PYY: variants seen among roughly 807,000 people sequenced by gnomAD.
PYY encodes the protein peptide tyrosine tyrosine.
A neutral mutation model predicts 10.3 loss-of-function variants in PYY; 12 were observed. The ratio of observed to expected loss-of-function variants is 1.17; its 90% CI spans 0.75 to 1.89. The LOEUF (loss-of-function observed/expected upper bound fraction) is 1.89, where lower values mean the gene tolerates loss of function less well. Ranked by LOEUF, PYY falls within the 40% of genes most tolerant of loss-of-function variation. The probability of loss-of-function intolerance (pLI) is 0.00; values close to 1 mark genes in which losing one functional copy is unlikely to be tolerated. For synonymous variants in PYY, 66 were observed against 62.0 expected, an observed-to-expected ratio of 1.06 and a Z score of -0.30; for missense variants, 141 against 134.0, an observed-to-expected ratio of 1.05 and a Z score of -0.26.
intron 2 of PYY, among the ~76,000 whole-genome samples, chr17:43,961,689 C>A (rs12949036): frequency 6.6e-6 from 1 of 152,002 alleles, no homozygotes; most frequent in Non-Finnish European, 1.5e-5. Flanking sequence ...TACAGGAGTG[C>A]GCCACCACAC....
chr17:43,954,262 C>A (rs2048657756), upstream of PYY, among the ~76,000 whole-genome samples: 1 of 152,166 alleles, frequency 6.6e-6, no homozygotes, highest in Admixed American at 6.5e-5. Flanking sequence ...GCCCCTAGGA[C>A]CAGGGTTGAG....
At chr17:43,970,241 C>T (rs1202999747) in intron 1 of PYY, among the ~76,000 whole-genome samples, 3 of 147,956 alleles carry the variant, frequency 2.0e-5, no homozygotes, top group African/African-American at 7.4e-5. Flanking sequence ...GGGAAGGTGG[C>T]TCATGCCTGT....
Position 43,952,997 on chromosome 17 carries a change from G to T in PYY, c.270-17C>A. 6.4e-7 allele frequency: 1 copy of T among 1,572,718 alleles called. No individual in the cohort carries two copies. The highest frequency in any genetic ancestry group is 8.6e-7 in the Non-Finnish European group (1 of 1,158,042). ...CCCTCCGACCTGCGGAAGCGAAGGG[G>T]AAGGAATTGGATCTGGGGAGGCGAG... On this transcript the variant is annotated splice_polypyrimidine_tract_variant and intron_variant, in intron 3 of 3. Coordinates refer to ENST00000692052, the MANE Select transcript of PYY (RefSeq NM_001394028.1).
chr17:43,967,912 G>A (rs1050691568), intron 1 of PYY, among the ~76,000 whole-genome samples: 4 of 152,124 alleles, frequency 2.6e-5, no homozygotes, highest in Admixed American at 2.0e-4. Context: ...AGAAATGCTC[G>A]TTCTGCCTCG....
At chr17:43,970,982 G>C (rs2048788847) in intron 1 of PYY, among the ~76,000 whole-genome samples, 1 of 152,118 alleles carries the variant, frequency 6.6e-6, no homozygotes, top group Non-Finnish European at 1.5e-5. Flanking sequence ...AAAGACATTA[G>C]GGCTGTTTCC....
At chr17:43,990,856 C>T (rs868523826) in intron 1 of PYY, among the ~76,000 whole-genome samples, 6 of 146,330 alleles carry the variant, frequency 4.1e-5, no homozygotes, top group South Asian at 4.5e-4. Flanking sequence ...TGCAATGACT[C>T]GATCTCGGCT....
chr17:43,953,665 A>G (rs1183892979), intron 1 of PYY, among the ~76,000 whole-genome samples, 182 bp from the exon 2 acceptor site: 1 of 151,836 alleles, frequency 6.6e-6, no homozygotes, highest in East Asian at 1.9e-4. Flanking sequence ...CAGTTTCCTC[A>G]TGTCAGAGGA....
At chr17:43,998,919 G>A (rs1047460102) in intron 1 of PYY, among the ~76,000 whole-genome samples, 3 of 152,140 alleles carry the variant, frequency 2.0e-5, no homozygotes, top group Admixed American at 1.3e-4. Context: ...GGTAGTTAGA[G>A]ACACAGATCT....
At chr17:43,969,034 G>A (rs2048772185) in intron 1 of PYY, among the ~76,000 whole-genome samples, 1 of 151,942 alleles carries the variant, frequency 6.6e-6, no homozygotes, top group Non-Finnish European at 1.5e-5. Context: ...CTTGAACCTG[G>A]GAGGCAGAGG....
chr17:43,986,088 C>T (rs1225696539), intron 1 of PYY, among the ~76,000 whole-genome samples: 3 of 152,108 alleles, frequency 2.0e-5, no homozygotes, highest in Admixed American at 6.5e-5. Context: ...GGTGAAACCC[C>T]GTCTCTACTA....
chr17:43,978,733 A>T (rs2048864777), intron 1 of PYY, among the ~76,000 whole-genome samples: 1 of 152,170 alleles, frequency 6.6e-6, no homozygotes, highest in Non-Finnish European at 1.5e-5. Context: ...ATCCATTTTT[A>T]AAATGTAATC....
At chr17:43,962,656 C>T (rs114797459) in intron 2 of PYY, among the ~76,000 whole-genome samples, 5 of 152,264 alleles carry the variant, frequency 3.3e-5, no homozygotes, top group Middle Eastern at 3.4e-3. Flanking sequence ...TCCCCAGGGG[C>T]GGGTTTAACC....
At chr17:43,975,755 C>T (rs2048825507) in intron 1 of PYY, among the ~76,000 whole-genome samples, 1 of 143,818 alleles carries the variant, frequency 7.0e-6, no homozygotes. Context: ...TACACACACA[C>T]ACACATATAT....
At chr17:44,002,504 AACAAC>A (rs2049035265) in intron 1 of PYY, among the ~76,000 whole-genome samples, 2 of 152,162 alleles carry the variant, frequency 1.3e-5, no homozygotes, top group Admixed American at 6.5e-5. Flanking sequence ...CCCCCTCTAC[AACAAC>A]AGAGGGTCTG....
At chr17:43,976,199 A>G (rs202165112) in intron 1 of PYY, among the ~76,000 whole-genome samples, 10,182 of 100,668 alleles carry the variant, frequency 0.1, 2,025 homozygotes, top group African/African-American at 0.38. Context: ...ATGTATACAT[A>G]TATACATATA....
rs566304431 is a variant in PYY, at chr17:43,980,464, TTTTTG to T, written c.-462-13937_-462-13933del. On this transcript the variant is annotated intron_variant, in intron 1 of 6. Transcript: ENST00000360085. ...CAGGAGTGAGCCACCATGCCTGGAC[TTTTTG>T]TTTTGTTTTGTTTTGTTTTTTTTGA... Among the ~76,000 whole-genome samples, 20 of 141,234 alleles carry T rather than the reference TTTTTG, an allele frequency of 1.4e-4. No individual in the cohort carries two copies. The South Asian group carries it at 3.4e-3, about 24-fold the overall frequency. 92.7% of individuals were successfully genotyped at this position (141,234 alleles called of 152,430 possible). A position where few individuals can be genotyped will look rare whatever the true frequency, so the allele number is the denominator to read the frequency against.
chr17:43,962,448 CT>C lies in PYY; in HGVS notation c.-218+3839del, dbSNP rs2048718517. ...ACACATCCATCACCTCACATTGTTACTTTTTCTTATGTGAGAATGCTTAAGA... is the reference window on the plus strand; with the variant it reads ...ACACATCCATCACCTCACATTGTTACTTTTCTTATGTGAGAATGCTTAAGA... On this transcript the variant is annotated intron_variant, in intron 2 of 6. Coordinates refer to the PYY transcript ENST00000360085. Among the ~76,000 whole-genome samples, 4 of 87,444 alleles carry C rather than the reference CT, an allele frequency of 4.6e-5. No individual in the cohort carries two copies. The South Asian group carries it at 1.3e-3, about 29-fold the overall frequency. 57.4% of individuals were successfully genotyped at this position (87,444 alleles called of 152,430 possible).
intron 1 of PYY, among the ~76,000 whole-genome samples, chr17:43,995,423 C>T (rs1316292471): frequency 6.6e-6 from 1 of 151,712 alleles, no homozygotes; most frequent in Non-Finnish European, 1.5e-5. Flanking sequence ...CTCCGCCTCC[C>T]GGGTTCAAGT....
At chr17:43,978,435 C>T (rs534337423) in intron 1 of PYY, among the ~76,000 whole-genome samples, 49 of 151,734 alleles carry the variant, frequency 3.2e-4, no homozygotes, top group South Asian at 2.5e-3. Flanking sequence ...ACAGGAGGAT[C>T]GTTTGAGCCC....
Sources: allele counts gnomAD v4.1 joint callset (sites outside exome capture counted in the v4.1 genomes callset), GRCh38; gene constraint gnomAD v4.1.1; transcripts MANE v1.5; gene names NCBI Gene and HGNC (gene_info 2026-07-23, HGNC 2026-07-21).